Variants in CREB3L1 observed in about 807,000 individuals in gnomAD.
CREB3L1 encodes cAMP responsive element binding protein 3 like 1, also known as cyclic AMP-responsive element-binding protein 3-like protein 1.
In CREB3L1, 33 loss-of-function variants were observed where a neutral mutation model predicts 54.5. The observed-to-expected ratio is 0.61, with a 90% CI of 0.46 to 0.81. CREB3L1 has a LOEUF of 0.81. Ranked by LOEUF, CREB3L1 falls within the 30% of genes least tolerant of loss-of-function variation. The probability of loss-of-function intolerance (pLI) is 0.00; values close to 1 mark genes in which losing one functional copy is unlikely to be tolerated. For synonymous variants in CREB3L1, 284 were observed against 286.4 expected, an observed-to-expected ratio of 0.99 and a Z score of 0.08; for missense variants, 656 against 673.3, an observed-to-expected ratio of 0.97 and a Z score of 0.29.
chr11:46,301,698 C>T (rs1228961981), intron 2 of CREB3L1, among the ~76,000 whole-genome samples: 1 of 151,054 alleles, frequency 6.6e-6, no homozygotes, highest in South Asian at 2.1e-4. Flanking sequence ...GTGGCTCACG[C>T]CTATAATCCC....
At chr11:46,318,293 C>T (rs888610398) in intron 10 of CREB3L1, among the ~76,000 whole-genome samples, 2 of 152,024 alleles carry the variant, frequency 1.3e-5, no homozygotes, top group African/African-American at 4.8e-5. Flanking sequence ...ATAATGTCTA[C>T]CATGGACAGA....
In CREB3L1 at chr11:46,308,298, G is replaced by A. The variant is rs188502925; in HGVS notation, c.516+298G>A. Reference sequence around the variant, plus strand: ...GGGGTGGCATCAGGAGCCCAGTCCAGGGTCTCAGAGGTGGAGACAGCCCAG... The same window carrying A: ...GGGGTGGCATCAGGAGCCCAGTCCAAGGTCTCAGAGGTGGAGACAGCCCAG... On this transcript the variant is annotated intron_variant, in intron 3 of 11. Transcript: ENST00000621158. Among the ~76,000 whole-genome samples, 23 of 152,324 alleles carry A rather than the reference G, an allele frequency of 1.5e-4. 1 individual carries two copies. Among genetic ancestry groups the A allele is most frequent in the Admixed American group, 1.4e-3 (22 of 15,306 alleles).
At chr11:46,319,298 G>A (rs1939612827) in intron 10 of CREB3L1, among the ~76,000 whole-genome samples, 1 of 152,196 alleles carries the variant, frequency 6.6e-6, no homozygotes, top group Admixed American at 6.5e-5. Context: ...CAGAGCCGGA[G>A]GGGCAGCAGA....
At chr11:46,317,228 G>T (rs935495985) in intron 9 of CREB3L1, 133 bp from the exon 10 acceptor site, 52 of 1,169,744 alleles carry the variant, frequency 4.4e-5, no homozygotes, top group African/African-American at 6.1e-5. Context: ...GGGAGTGGTC[G>T]ACTGGAGCAG....
At position 46,311,018 on chromosome 11, in the gene CREB3L1, C is replaced by T. The variant is rs573541101; in HGVS notation, c.596-14C>T. On this transcript the variant is annotated splice_polypyrimidine_tract_variant and intron_variant, in intron 4 of 11. Transcript: ENST00000621158. The stretch of plus-strand genomic sequence containing the variant: ...GTGCAACGTTGCTAACTCGGTTTCC[C>T]CTGCTCTCCCCAGAGGACCTGGTGC... 20 of 1,568,740 alleles carry T rather than the reference C, an allele frequency of 1.3e-5. No individual in the cohort carries two copies. Among genetic ancestry groups the T allele is most frequent in the Non-Finnish European group, 1.7e-5 (20 of 1,156,742 alleles).
intron 1 of CREB3L1, among the ~76,000 whole-genome samples, chr11:46,299,507 C>A (rs1222816242): frequency 2.0e-5 from 3 of 152,186 alleles, no homozygotes; most frequent in Admixed American, 6.6e-5. Flanking sequence ...CGTAGACACA[C>A]GGTTGTTCTT....
chr11:46,301,212 G>C (rs74782468), intron 2 of CREB3L1, among the ~76,000 whole-genome samples: 1 of 151,690 alleles, frequency 6.6e-6, no homozygotes, highest in Non-Finnish European at 1.5e-5. Flanking sequence ...GTGGTGGTGC[G>C]CTCCTGTAGT....
rs1938901253 is a variant in CREB3L1 at position 46,278,002 on chromosome 11, A to G, written c.-110A>G. The G allele has an allele frequency of 1.0e-4, 30 of 292,188 alleles. No homozygotes were observed. The highest frequency in any genetic ancestry group is 1.6e-4 in the East Asian group (2 of 12,898). 18.1% of individuals were successfully genotyped at this position (292,188 alleles called of 1,614,324 possible). Reference sequence around the variant, plus strand: ...CCCCTCCCCCGGGGCTTCGCCCCGGACCTGCCCCCCGCCCGTTTGCCAGCG... The same window carrying G: ...CCCCTCCCCCGGGGCTTCGCCCCGGGCCTGCCCCCCGCCCGTTTGCCAGCG... On this transcript the variant is annotated 5_prime_UTR_variant, in exon 1 of 12. Coordinates refer to ENST00000621158, the MANE Select transcript of CREB3L1 (RefSeq NM_052854.4). The surrounding 1 kb of genome is among the most constrained non-coding windows in gnomAD (Gnocchi z 4.2).
chr11:46,281,038 T>A (rs12291252), intron 1 of CREB3L1, among the ~76,000 whole-genome samples: 3 of 151,768 alleles, frequency 2.0e-5, no homozygotes, highest in African/African-American at 7.3e-5. Context: ...GACAGGAGAG[T>A]GAGTACACAA....
chr11:46,286,547 C>A (rs947667173), intron 1 of CREB3L1, among the ~76,000 whole-genome samples: 1 of 152,098 alleles, frequency 6.6e-6, no homozygotes, highest in African/African-American at 2.4e-5. Context: ...GCCTGTAATC[C>A]CAGCACTTTG....
chr11:46,285,948 G>A (rs911654569), intron 1 of CREB3L1, among the ~76,000 whole-genome samples: 3 of 152,234 alleles, frequency 2.0e-5, no homozygotes, highest in Non-Finnish European at 4.4e-5. Context: ...AGGCAGACAG[G>A]TCTGAGCCTT....
chr11:46,312,151 T>C (rs1939495694), intron 5 of CREB3L1, among the ~76,000 whole-genome samples, 174 bp from the exon 6 acceptor site: 1 of 152,162 alleles, frequency 6.6e-6, no homozygotes, highest in Non-Finnish European at 1.5e-5. Flanking sequence ...AGCATGGCCC[T>C]GGCACCTGAC....
chr11:46,298,413 A>T (rs983160577), intron 1 of CREB3L1, among the ~76,000 whole-genome samples: 21 of 152,234 alleles, frequency 1.4e-4, no homozygotes, highest in Non-Finnish European at 2.8e-4. Context: ...AGAAACATTT[A>T]TTGGACAGGC....
chr11:46,320,353 G>A lies in CREB3L1; in HGVS notation c.1348G>A (p.Gly450Ser). Residue 450 changes from glycine to serine, a missense_variant, in exon 11 of 12, where the codon GGC becomes AGC. Gly to Ser is a moderately conservative substitution (Grantham distance 56). This residue lies in a region of CREB3L1 where 240 missense variants were observed against 219.8 expected (regional missense o/e 1.09). Coordinates refer to ENST00000621158, the MANE Select transcript of CREB3L1 (RefSeq NM_052854.4). ...CCTGCTGCCCATGGAGCCCCCAGAT[G>A]GCTGGGAAATCAACCCCGGGGGGCC... The part of the protein sequence containing the change: ...STLLPMEPPD[G>S]WEINPGGPAE... 6.2e-7 allele frequency: 1 copy of A among 1,612,198 alleles called. No individual in the cohort carries two copies. The highest frequency in any genetic ancestry group is 8.5e-7 in the Non-Finnish European group (1 of 1,179,164).
At chr11:46,284,093 C>G (rs935546689) in intron 1 of CREB3L1, among the ~76,000 whole-genome samples, 1 of 152,176 alleles carries the variant, frequency 6.6e-6, no homozygotes, top group Admixed American at 6.5e-5. Context: ...TCCATTCCTT[C>G]AGCAACTGGG....
intron 10 of CREB3L1, 75 bp downstream of exon 10, chr11:46,317,562 C>A: frequency 1.3e-6 from 2 of 1,570,818 alleles, no homozygotes; most frequent in Non-Finnish European, 8.6e-7. Context: ...AGGCAGAAGC[C>A]AGACATAAGA....
At chr11:46,294,040 T>A (rs1939168500) in intron 1 of CREB3L1, among the ~76,000 whole-genome samples, 1 of 152,046 alleles carries the variant, frequency 6.6e-6, no homozygotes, top group African/African-American at 2.4e-5. Flanking sequence ...TGTCGATGAG[T>A]GTACTTTTCA....
chr11:46,284,754 C>A (rs1342358958), intron 1 of CREB3L1, among the ~76,000 whole-genome samples: 1 of 152,082 alleles, frequency 6.6e-6, no homozygotes, highest in Non-Finnish European at 1.5e-5. Flanking sequence ...TGCTCAAGGG[C>A]AGGAGTCCTA....
At chr11:46,316,786 G>A (rs919734231) in intron 9 of CREB3L1, among the ~76,000 whole-genome samples, 3 of 152,166 alleles carry the variant, frequency 2.0e-5, no homozygotes, top group Non-Finnish European at 2.9e-5. Context: ...CTGGAAACCC[G>A]GAAGGCTCCC....
Sources: allele counts gnomAD v4.1 joint callset (sites outside exome capture counted in the v4.1 genomes callset), GRCh38; gene constraint gnomAD v4.1.1; regional missense constraint gnomAD v4.1.1; non-coding constraint Gnocchi (gnomAD v3.1); transcripts MANE v1.5; gene names NCBI Gene and HGNC (gene_info 2026-07-23, HGNC 2026-07-21).